Variants in C1orf105 observed in about 807,000 individuals in gnomAD.
C1orf105 encodes the protein chromosome 1 open reading frame 105.
Under a neutral mutation model 20.8 loss-of-function variants are expected in C1orf105, and 17 were observed. That is an observed-to-expected ratio of 0.82 (90% confidence interval 0.56 to 1.23). The LOEUF is 1.23. Ranked by LOEUF, C1orf105 falls within the 50% of genes most tolerant of loss-of-function variation. The pLI is 0.00. For missense variants in C1orf105, 219 were observed against 213.5 expected, an observed-to-expected ratio of 1.03 and a Z score of -0.16; for synonymous variants, 72 against 72.1, an observed-to-expected ratio of 1.00 and a Z score of 0.01.
intron 5 of C1orf105, among the ~76,000 whole-genome samples, chr1:172,463,841 C>T (rs7550016): frequency 0.24 from 36,149 of 152,066 alleles, 4,508 homozygotes; most frequent in South Asian, 0.41. Context: ...ATCAACCAGA[C>T]GTATCATGAG....
In C1orf105 at chr1:172,428,340, T is replaced by C. The variant is rs77600753; in HGVS notation, c.21+7434T>C. Reference sequence around the variant, plus strand: ...CAGAATGAGCCTTTCAAAATATGTATCTTCTTTTTCTCCATGACCCTCCAA... The same window carrying C: ...CAGAATGAGCCTTTCAAAATATGTACCTTCTTTTTCTCCATGACCCTCCAA... On this transcript the variant is annotated intron_variant, in intron 1 of 6. Transcript: ENST00000367727. Among the ~76,000 whole-genome samples, 205 of 152,296 alleles carry C rather than the reference T, an allele frequency of 1.3e-3. 3 individuals are homozygous for C. In the East Asian group the frequency reaches 0.034, roughly 25 times the overall value.
intron 1 of C1orf105, chr1:172,430,981 C>T (rs2071857553): frequency 4.1e-6 from 2 of 483,476 alleles, no homozygotes; most frequent in East Asian, 3.2e-5. Flanking sequence ...AGAGGGCAAA[C>T]TTAGTGGATA....
At position 172,456,462 on chromosome 1, in the gene C1orf105, G is replaced by A. The variant is rs1429989305; in HGVS notation, c.246G>A (p.Leu82=). 1.2e-6 allele frequency: 2 copies of A among 1,613,446 alleles called. No homozygotes were observed. Among genetic ancestry groups the A allele is most frequent in the Non-Finnish European group, 1.7e-6 (2 of 1,180,026 alleles). Residue 82 remains leucine, a synonymous_variant, in exon 4 of 7, where the codon CTG becomes CTA. Transcript: ENST00000367727. The part of the protein sequence containing the change: ...CDSMLLRNQQ[L]CSTCQEMKMV... ...CCATGCTGCTCAGAAACCAACAGCT[G>A]TGCTCCACATGTCAAGAAATGAAAA...
intron 1 of C1orf105, among the ~76,000 whole-genome samples, chr1:172,435,871 T>A (rs2072026005): frequency 6.6e-6 from 1 of 152,240 alleles, no homozygotes; most frequent in South Asian, 2.1e-4. Flanking sequence ...CAAAATCTCC[T>A]TAAGCTGATA....
At chr1:172,440,231 T>G (rs1018837411) in intron 1 of C1orf105, among the ~76,000 whole-genome samples, 4 of 152,238 alleles carry the variant, frequency 2.6e-5, no homozygotes, top group Admixed American at 2.6e-4. Flanking sequence ...AAGGACAGTA[T>G]AGAAACTTGC....
chr1:172,447,435 C>G (rs1169140937), intron 2 of C1orf105, among the ~76,000 whole-genome samples: 3 of 152,162 alleles, frequency 2.0e-5, no homozygotes, highest in Non-Finnish European at 2.9e-5. Flanking sequence ...GTCTCCAAAG[C>G]CCTTCAAGTC....
chr1:172,438,034 TGTGA>T (rs1228784167), intron 1 of C1orf105, among the ~76,000 whole-genome samples: 2 of 152,158 alleles, frequency 1.3e-5, no homozygotes, highest in African/African-American at 4.8e-5. Context: ...GCTCATGCTC[TGTGA>T]GTAAAACAAT....
chr1:172,448,143 C>G (rs1194014276), intron 2 of C1orf105, among the ~76,000 whole-genome samples: 1 of 152,146 alleles, frequency 6.6e-6, no homozygotes, highest in Non-Finnish European at 1.5e-5. Flanking sequence ...AAGAGGAAAC[C>G]TGGGATTCAT....
At chr1:172,453,573 A>G (rs1481215302) in intron 3 of C1orf105, among the ~76,000 whole-genome samples, 1 of 152,268 alleles carries the variant, frequency 6.6e-6, no homozygotes, top group East Asian at 1.9e-4. Flanking sequence ...TAAATTGCTT[A>G]CAATGACTCA....
intron 1 of C1orf105, among the ~76,000 whole-genome samples, chr1:172,432,216 T>G (rs2071895506): frequency 6.6e-6 from 1 of 152,248 alleles, no homozygotes; most frequent in African/African-American, 2.4e-5. Flanking sequence ...CGTCCCTGTG[T>G]GACAGCTCTG....
intron 1 of C1orf105, chr1:172,431,143 C>G: frequency 1.9e-6 from 1 of 514,180 alleles, no homozygotes; most frequent in Admixed American, 3.4e-5. Context: ...AAGAGTTGCA[C>G]ATCTCTCATT....
chr1:172,448,647 A>G (rs1454916269), intron 3 of C1orf105, 116 bp downstream of exon 3: 2 of 617,426 alleles, frequency 3.2e-6, no homozygotes, highest in Non-Finnish European at 5.8e-6. Context: ...ATCAATGTTC[A>G]ATAAATATTT....
chr1:172,428,548 G>A (rs780909713), intron 1 of C1orf105, among the ~76,000 whole-genome samples: 9 of 152,164 alleles, frequency 5.9e-5, no homozygotes, highest in Non-Finnish European at 1.2e-4. Context: ...TCTTTCCTCT[G>A]CAGCTCTTCC....
At chr1:172,421,691 G>A (rs1214524763) in intron 1 of C1orf105, among the ~76,000 whole-genome samples, 1 of 152,074 alleles carries the variant, frequency 6.6e-6, no homozygotes, top group East Asian at 1.9e-4. Flanking sequence ...CCAAAAATCA[G>A]TGATCACAAA....
chr1:172,421,018 C>A, intron 1 of C1orf105, 112 bp downstream of exon 1: 2 of 990,784 alleles, frequency 2.0e-6, no homozygotes, highest in Non-Finnish European at 3.0e-6. Flanking sequence ...AACAGACATC[C>A]TAGAAGTTGA....
intron 1 of C1orf105, among the ~76,000 whole-genome samples, chr1:172,425,056 T>C (rs2071689396): frequency 6.6e-6 from 1 of 152,216 alleles, no homozygotes; most frequent in Non-Finnish European, 1.5e-5. Context: ...TGTTCCATCA[T>C]CCTAGTAGTA....
At chr1:172,438,286 A>G (rs2072107401) in intron 1 of C1orf105, among the ~76,000 whole-genome samples, 1 of 152,244 alleles carries the variant, frequency 6.6e-6, no homozygotes, top group Non-Finnish European at 1.5e-5. Flanking sequence ...TGCCATAGAT[A>G]GTGATTCCTC....
At chr1:172,465,476 T>A in intron 6 of C1orf105, 113 bp downstream of exon 6, 2 of 822,194 alleles carry the variant, frequency 2.4e-6, no homozygotes, top group Non-Finnish European at 4.2e-6. Flanking sequence ...ATCCTCACTT[T>A]CTATCCCTTT....
chr1:172,443,320 A>G (rs1180557652), intron 1 of C1orf105: 1 of 167,058 alleles, frequency 6.0e-6, no homozygotes, highest in African/African-American at 2.4e-5. Context: ...ATTTATAGGG[A>G]TAATATCCAT....
Sources: gnomAD v4.1 joint callset for allele counts (sites outside exome capture counted in the v4.1 genomes callset) on GRCh38, gnomAD v4.1.1 for gene constraint, MANE v1.5 for transcripts, NCBI Gene and HGNC (gene_info 2026-07-23, HGNC 2026-07-21) for gene names.